Variants in IRAG1 observed in about 807,000 individuals in gnomAD.
The protein encoded by IRAG1 is inositol 1,4,5-triphosphate receptor associated 1.
Under a neutral mutation model 106.2 loss-of-function variants are expected in IRAG1, and 62 were observed. That is an observed-to-expected ratio of 0.58 (90% CI 0.48 to 0.72). The LOEUF is 0.72. Among genes scored for constraint, IRAG1 ranks in the 30% least tolerant of loss-of-function variants. IRAG1 has a pLI of 0.00. For synonymous variants in IRAG1, 462 were observed against 443.9 expected, an observed-to-expected ratio of 1.04 and a Z score of -0.51; for missense variants, 1,064 against 1,140.7, an observed-to-expected ratio of 0.93 and a Z score of 0.97.
At chr11:10,616,188 C>A (rs565434844) in intron 10 of IRAG1, among the ~76,000 whole-genome samples, 1 of 150,986 alleles carries the variant, frequency 6.6e-6, no homozygotes, top group Non-Finnish European at 1.5e-5. Context: ...GCCTGTAGTC[C>A]CGGCCGAGGA....
chr11:10,680,534 AGGAAGG>A (rs769019874), intron 1 of IRAG1, among the ~76,000 whole-genome samples: 6,012 of 140,996 alleles, frequency 0.043, 178 homozygotes, highest in African/African-American at 0.08. Flanking sequence ...AAAGGAAGGA[AGGAAGG>A]GGAAGGGGAA....
intron 1 of IRAG1, among the ~76,000 whole-genome samples, chr11:10,664,780 T>G (rs1202993867): frequency 6.6e-6 from 1 of 152,202 alleles, no homozygotes; most frequent in Non-Finnish European, 1.5e-5. Flanking sequence ...CATCCTTAAC[T>G]GCAGCCTTGA....
chr11:10,685,331 C>G (rs1458858142), intron 1 of IRAG1, among the ~76,000 whole-genome samples: 3 of 151,418 alleles, frequency 2.0e-5, no homozygotes, highest in Non-Finnish European at 2.9e-5. Context: ...GCCTGTAATC[C>G]CAGCTACTTG....
chr11:10,629,691 C>T lies in IRAG1; in HGVS notation c.421G>A (p.Asp141Asn), dbSNP rs764251622. The change falls in exon 5 of 21, where the codon GAC (aspartate) becomes AAC (asparagine). Residue 141 changes from aspartate (D) to asparagine (N), a missense_variant. Asp to Asn is a conservative substitution (Grantham distance 23). Transcript: ENST00000423302. The part of the protein sequence containing the change: ...TSVDPAGHII[D>N]LVNDQLPDIS... ...TCTGGCAGCTGGTCATTCACCAGGT[C>T]AATGATGTGCCCCGCGGGGTCTGCA... is the stretch of plus-strand genomic sequence containing the variant. 16 of 1,613,636 alleles carry T rather than the reference C, an allele frequency of 9.9e-6. No homozygotes were observed. The highest frequency in any genetic ancestry group is 1.2e-5 in the Non-Finnish European group (14 of 1,179,820).
chr11:10,616,924 G>T, intron 10 of IRAG1: 2 of 534,944 alleles, frequency 3.7e-6, no homozygotes, highest in South Asian at 8.2e-5. Context: ...GAAAATATTT[G>T]TTTCTGACCA....
intron 2 of IRAG1, among the ~76,000 whole-genome samples, chr11:10,642,955 A>C (rs941530286): frequency 1.3e-5 from 2 of 152,054 alleles, no homozygotes; most frequent in Non-Finnish European, 2.9e-5. Context: ...GTGGATCACA[A>C]GGTCAGGAGA....
chr11:10,664,478 C>T (rs914491094), intron 1 of IRAG1, among the ~76,000 whole-genome samples: 2 of 152,208 alleles, frequency 1.3e-5, no homozygotes, highest in African/African-American at 4.8e-5. Flanking sequence ...GCCATGCTAA[C>T]TGCCTGTGTA....
chr11:10,623,045 T>C (rs940055535), intron 10 of IRAG1, among the ~76,000 whole-genome samples: 2 of 152,206 alleles, frequency 1.3e-5, no homozygotes, highest in African/African-American at 4.8e-5. Context: ...GTACTGTTCT[T>C]AGCCTGGTTT....
intron 18 of IRAG1, 103 bp from the exon 19 acceptor site, chr11:10,582,089 T>C (rs1240704175): frequency 3.0e-6 from 4 of 1,350,896 alleles, no homozygotes; most frequent in Non-Finnish European, 4.0e-6. Context: ...GTGAGGAAAC[T>C]CAGGCTTTTT....
chr11:10,662,217 G>A (rs779421571), intron 1 of IRAG1, among the ~76,000 whole-genome samples: 37 of 152,124 alleles, frequency 2.4e-4, no homozygotes, highest in Non-Finnish European at 4.9e-4. Context: ...GACCAGCCTG[G>A]CCAACATGGT....
At chr11:10,585,961 T>C (rs1364357686) in intron 18 of IRAG1, 1 of 151,586 alleles carries the variant, frequency 6.6e-6, no homozygotes, top group Non-Finnish European at 1.5e-5. Flanking sequence ...ATAGAAGCCC[T>C]CCATGAACCC....
rs950107694 is a variant in IRAG1, at chr11:10,593,487, C to T, written c.2175+5G>A. The T allele has an allele frequency of 6.2e-7, 1 of 1,611,592 alleles. No homozygotes were observed. The highest frequency in any genetic ancestry group is 8.5e-7 in the Non-Finnish European group (1 of 1,177,800). On this transcript the variant is annotated splice_donor_5th_base_variant and intron_variant, in intron 17 of 20. Coordinates refer to ENST00000423302, the MANE Select transcript of IRAG1 (RefSeq NM_130385.4). The stretch of plus-strand genomic sequence containing the variant: ...GTGCTGGGAGGCAGACATCGTCATA[C>T]TTACCAAGGCTGGTAAGGAGGGAAT...
chr11:10,682,346 G>C (rs558185565), intron 1 of IRAG1, among the ~76,000 whole-genome samples: 1 of 152,320 alleles, frequency 6.6e-6, no homozygotes, highest in East Asian at 1.9e-4. Context: ...CTTTGTTCAT[G>C]TGCCTAAGCA....
chr11:10,680,462 AAGG>A (rs1184134607), intron 1 of IRAG1, among the ~76,000 whole-genome samples: 1 of 147,962 alleles, frequency 6.8e-6, no homozygotes, highest in African/African-American at 2.5e-5. Context: ...AAAGAGAAAG[AAGG>A]AAGGAAGGAA....
chr11:10,578,991 TGTG>T (rs1314606866), intron 20 of IRAG1, among the ~76,000 whole-genome samples: 1 of 152,168 alleles, frequency 6.6e-6, no homozygotes, highest in Non-Finnish European at 1.5e-5. Context: ...AGGAAGGCAA[TGTG>T]GTGGACTGAG....
In IRAG1 at chr11:10,626,524, G is replaced by A; in HGVS notation, c.810C>T (p.Gly270=). 2 of 1,613,260 alleles carry A rather than the reference G, an allele frequency of 1.2e-6. No individual in the cohort carries two copies. Among genetic ancestry groups the A allele is most frequent in the Non-Finnish European group, 8.5e-7 (1 of 1,179,552 alleles). Residue 270 remains glycine, a synonymous_variant, in exon 9 of 21, where the codon GGC becomes GGT. Transcript: ENST00000423302. ...KQNDQRKVSQ[G]RLAPRPPPVE... is the part of the protein sequence containing the mutation. ...CTGGAGGAGGACGAGGAGCCAGCCT[G>A]CCCTGAGACACTTTCCTCTGGTCAT...
intron 10 of IRAG1, among the ~76,000 whole-genome samples, chr11:10,610,568 T>C (rs1388486026): frequency 1.3e-5 from 2 of 152,246 alleles, no homozygotes; most frequent in South Asian, 2.1e-4. Context: ...CTCCAGACTC[T>C]AGCTCCATTT....
intron 1 of IRAG1, among the ~76,000 whole-genome samples, chr11:10,680,150 G>A (rs1340117685): frequency 2.0e-5 from 3 of 151,604 alleles, no homozygotes; most frequent in Non-Finnish European, 4.4e-5. Flanking sequence ...GCGCATGCCT[G>A]TAATCCCAGC....
At chr11:10,693,099 A>C (rs2135300517) in intron 1 of IRAG1, among the ~76,000 whole-genome samples, 1 of 152,302 alleles carries the variant, frequency 6.6e-6, no homozygotes, top group South Asian at 2.1e-4. Flanking sequence ...AGGTCATGCC[A>C]GCCCAGGTTC....
Sources: allele counts gnomAD v4.1 joint callset (sites outside exome capture counted in the v4.1 genomes callset), GRCh38; gene constraint gnomAD v4.1.1; transcripts MANE v1.5; gene names NCBI Gene and HGNC (gene_info 2026-07-23, HGNC 2026-07-21).